The following CDH10 variants were observed in gnomAD, a reference collection of about 807,000 sequenced individuals.
CDH10 encodes cadherin-10.
Under a neutral mutation model 73.1 loss-of-function variants are expected in CDH10, and 30 were observed. The observed-to-expected ratio is 0.41, with a 90% CI of 0.31 to 0.56. The LOEUF (loss-of-function observed/expected upper bound fraction) is 0.56, where lower values mean the gene tolerates loss of function less well. Among genes scored for constraint, CDH10 ranks in the 20% least tolerant of loss-of-function variants. The pLI, the probability that CDH10 is intolerant of heterozygous loss-of-function variation, is 0.27. For missense variants in CDH10, 815 were observed against 973.7 expected (o/e 0.84, Z 2.17); for synonymous variants, 345 against 348.2 (o/e 0.99, Z 0.10).
chr5:24,585,660 G>A (rs1745967244), intron 2 of CDH10, among the ~76,000 whole-genome samples: 1 of 152,094 alleles, frequency 6.6e-6, no homozygotes, highest in African/African-American at 2.4e-5. Flanking sequence ...CTGACTTCAG[G>A]TGATCCACCT....
chr5:24,587,464 C>T (rs535086276), intron 2 of CDH10, among the ~76,000 whole-genome samples: 3 of 152,206 alleles, frequency 2.0e-5, no homozygotes, highest in Non-Finnish European at 4.4e-5. Context: ...TTCATAATAT[C>T]ATATTAATAA....
intron 1 of CDH10, among the ~76,000 whole-genome samples, chr5:24,599,224 A>T (rs1746477299): frequency 6.6e-6 from 1 of 152,130 alleles, no homozygotes; most frequent in African/African-American, 2.4e-5. Context: ...TGGTAGCAAG[A>T]ATGCTCTGAG....
intron 2 of CDH10, among the ~76,000 whole-genome samples, chr5:24,584,445 C>CTTTTTTTTTTTTTTTTTTTT (rs34192671): frequency 7.1e-5 from 2 of 28,080 alleles, no homozygotes; most frequent in Non-Finnish European, 1.6e-4. Flanking sequence ...CTTTCTTTTC[C>CTTTTTTTTTTTTTTTTTTTT]TTTTTTTTTT....
chr5:24,621,824 G>GTA lies in CDH10; in HGVS notation c.-124+22768_-124+22769dup, dbSNP rs1475396709. ...TGCATTATATACATGATATACGTGT[G>GTA]TATACACACACACACAGATATAAAC... On this transcript the variant is annotated intron_variant, in intron 1 of 11. Coordinates refer to ENST00000264463, the MANE Select transcript of CDH10 (RefSeq NM_006727.5). Among the ~76,000 whole-genome samples, 3 of 145,112 alleles carry GTA rather than the reference G, an allele frequency of 2.1e-5. No individual in the cohort carries two copies. The East Asian group carries it at 5.9e-4, about 28-fold the overall frequency.
At chr5:24,594,386 A>G (rs1396274975) in intron 1 of CDH10, among the ~76,000 whole-genome samples, 1 of 151,932 alleles carries the variant, frequency 6.6e-6, no homozygotes. Context: ...TATTTTCTCA[A>G]CAAAATTTCC....
chr5:24,564,069 T>A (rs540889327), intron 2 of CDH10, among the ~76,000 whole-genome samples: 1 of 152,310 alleles, frequency 6.6e-6, no homozygotes, highest in East Asian at 1.9e-4. Flanking sequence ...AAATCATCTA[T>A]ATCTCAAAAG....
chr5:24,552,389 CA>C (rs1191131270), intron 2 of CDH10, among the ~76,000 whole-genome samples: 1 of 151,830 alleles, frequency 6.6e-6, no homozygotes, highest in Non-Finnish European at 1.5e-5. Context: ...TAATTATAAT[CA>C]ATATAATAAA....
chr5:24,579,342 A>T (rs934178888), intron 2 of CDH10, among the ~76,000 whole-genome samples: 10 of 150,416 alleles, frequency 6.6e-5, no homozygotes, highest in African/African-American at 1.9e-4. Flanking sequence ...GGAAAACAAA[A>T]ATATATATAT....
intron 7 of CDH10, among the ~76,000 whole-genome samples, chr5:24,507,549 T>C (rs780708568): frequency 3.9e-5 from 6 of 151,970 alleles, no homozygotes; most frequent in Non-Finnish European, 7.4e-5. Context: ...TTCTATTTCA[T>C]TGTGTGGAGA....
At chr5:24,547,139 T>G (rs1386208170) in intron 2 of CDH10, among the ~76,000 whole-genome samples, 2 of 152,226 alleles carry the variant, frequency 1.3e-5, no homozygotes, top group African/African-American at 2.4e-5. Context: ...AAATTTTTAG[T>G]GAACTGCTAA....
chr5:24,495,884 GA>G (rs141654904), intron 9 of CDH10, among the ~76,000 whole-genome samples: 4 of 148,516 alleles, frequency 2.7e-5, no homozygotes, highest in Non-Finnish European at 4.5e-5. Context: ...GAAAGAAAAA[GA>G]AAAAAAAAGC....
At chr5:24,493,375 C>G (rs550478815) in intron 9 of CDH10, among the ~76,000 whole-genome samples, 2 of 151,876 alleles carry the variant, frequency 1.3e-5, no homozygotes, top group African/African-American at 4.8e-5. Flanking sequence ...TTAACAGAGT[C>G]TTAAACATTA....
chr5:24,543,487 T>G (rs758981733), intron 2 of CDH10, among the ~76,000 whole-genome samples: 1 of 152,100 alleles, frequency 6.6e-6, no homozygotes, highest in South Asian at 2.1e-4. Flanking sequence ...ATTAAATAGA[T>G]TTTTCAATTT....
chr5:24,621,652 T>G (rs1214162394), intron 1 of CDH10, among the ~76,000 whole-genome samples: 1 of 152,188 alleles, frequency 6.6e-6, no homozygotes, highest in African/African-American at 2.4e-5. Context: ...AAAGAGTCAT[T>G]TTGACTAAAG....
chr5:24,491,022 G>A (rs16893429), intron 11 of CDH10, among the ~76,000 whole-genome samples: 6,790 of 152,044 alleles, frequency 0.045, 230 homozygotes, highest in East Asian at 0.1. Flanking sequence ...CTTGATTCCC[G>A]TATGGAGGAT....
At chr5:24,510,734 G>A (rs556225840) in intron 6 of CDH10, among the ~76,000 whole-genome samples, 1 of 152,232 alleles carries the variant, frequency 6.6e-6, no homozygotes, top group African/African-American at 2.4e-5. Context: ...CATTTCATTA[G>A]GACCTAAAGT....
At chr5:24,499,529 A>C (rs1742413498) in intron 8 of CDH10, 1 of 152,366 alleles carries the variant, frequency 6.6e-6, no homozygotes, top group South Asian at 2.1e-4. Flanking sequence ...CTATTAAAAA[A>C]TACAAAAAAT....
intron 9 of CDH10, among the ~76,000 whole-genome samples, chr5:24,495,216 A>G (rs577392245): frequency 9.8e-5 from 15 of 152,302 alleles, no homozygotes; most frequent in Non-Finnish European, 2.1e-4. Context: ...TCCATTTCCA[A>G]TAAAAAAGTT....
At chr5:24,643,286 G>A (rs1748116219) in intron 1 of CDH10, among the ~76,000 whole-genome samples, 2 of 152,030 alleles carry the variant, frequency 1.3e-5, no homozygotes, top group South Asian at 4.2e-4. Context: ...TGAACATACG[G>A]CTCTGTCAAT....
Sources: allele counts gnomAD v4.1 joint callset (sites outside exome capture counted in the v4.1 genomes callset), GRCh38; gene constraint gnomAD v4.1.1; transcripts MANE v1.5; gene names NCBI Gene and HGNC (gene_info 2026-07-23, HGNC 2026-07-21).